Variants in CFAP210 observed in about 807,000 individuals in gnomAD.
CFAP210 encodes cilia- and flagella- associated protein 210.
chr2:169,650,718 C>T, the CFAP210 span, among the ~76,000 whole-genome samples: 11 of 140,188 alleles, frequency 7.8e-5, no homozygotes, highest in African/African-American at 2.7e-4. Flanking sequence ...AATCCAAAGA[C>T]AGTAATATGT....
At chr2:169,670,150 G>C in the CFAP210 span, among the ~76,000 whole-genome samples, 3 of 152,154 alleles carry the variant, frequency 2.0e-5, no homozygotes, top group Non-Finnish European at 2.9e-5. Flanking sequence ...TCTGTTCCTA[G>C]AGGAAGCCTT....
the CFAP210 span, among the ~76,000 whole-genome samples, chr2:169,692,444 GCACACA>G: frequency 0.1 from 14,437 of 143,738 alleles, 784 homozygotes; most frequent in African/African-American, 0.14. Flanking sequence ...ACAGGCGCAC[GCACACA>G]CACACACACA....
the CFAP210 span, chr2:169,660,973 G>T: frequency 2.1e-6 from 1 of 484,952 alleles, no homozygotes; most frequent in South Asian, 1.6e-5. Flanking sequence ...CTGTATAGCA[G>T]GATTTGTCAT....
the CFAP210 span, among the ~76,000 whole-genome samples, chr2:169,647,192 C>CA: frequency 0.42 from 63,678 of 151,176 alleles, 14,158 homozygotes; most frequent in African/African-American, 0.54. Flanking sequence ...GAGAAAAAGT[C>CA]AAAAAAAAGC....
At chr2:169,676,281 C>A in the CFAP210 span, among the ~76,000 whole-genome samples, 1 of 151,150 alleles carries the variant, frequency 6.6e-6, no homozygotes, top group African/African-American at 2.4e-5. Flanking sequence ...TATAGACAGT[C>A]TTGCTGGTAA....
chr2:169,650,257 TG>T, the CFAP210 span: 1 of 1,356,888 alleles, frequency 7.4e-7, no homozygotes, highest in African/African-American at 1.5e-5. Context: ...GAGAGGCAGA[TG>T]AGATGGAAAA....
At chr2:169,666,286 T>C in the CFAP210 span, among the ~76,000 whole-genome samples, 6,955 of 151,672 alleles carry the variant, frequency 0.046, 534 homozygotes, top group African/African-American at 0.16. Flanking sequence ...GAATTTCTAC[T>C]ACAATGATAA....
At chr2:169,694,147 TG>T in the CFAP210 span, 11 of 985,164 alleles carry the variant, frequency 1.1e-5, no homozygotes, top group Admixed American at 2.0e-5. Context: ...GCTTTCGACC[TG>T]GTGGAGTCCA....
At chr2:169,648,868 G>A in the CFAP210 span, among the ~76,000 whole-genome samples, 1 of 152,254 alleles carries the variant, frequency 6.6e-6, no homozygotes, top group East Asian at 1.9e-4. Context: ...AATCAACATA[G>A]TCTCTGAGAT....
At chr2:169,684,574 C>G in the CFAP210 span, among the ~76,000 whole-genome samples, 1 of 152,222 alleles carries the variant, frequency 6.6e-6, no homozygotes, top group African/African-American at 2.4e-5. Context: ...CATTTTATAT[C>G]TGGCTTCTTT....
the CFAP210 span, among the ~76,000 whole-genome samples, chr2:169,652,191 C>T: frequency 6.6e-6 from 1 of 151,866 alleles, no homozygotes; most frequent in African/African-American, 2.4e-5. Flanking sequence ...GTGCATACTC[C>T]AAGGAAATTA....
chr2:169,646,014 C>T, the CFAP210 span: 1 of 1,613,932 alleles, frequency 6.2e-7, no homozygotes, highest in Non-Finnish European at 8.5e-7. Flanking sequence ...TCCTGTACAG[C>T]TTTTACAAGA....
chr2:169,673,737 ATAGAACT>A, the CFAP210 span, among the ~76,000 whole-genome samples: 5 of 152,278 alleles, frequency 3.3e-5, no homozygotes, highest in South Asian at 1.0e-3. Flanking sequence ...GGAACAGGAG[ATAGAACT>A]TAGAGCAAAG....
chr2:169,651,084 G>A, the CFAP210 span, among the ~76,000 whole-genome samples: 26 of 151,770 alleles, frequency 1.7e-4, no homozygotes, highest in African/African-American at 5.8e-4. Flanking sequence ...AAAATTAGCC[G>A]GGCGTGGTGG....
At chr2:169,681,371 C>A in the CFAP210 span, 2 of 736,616 alleles carry the variant, frequency 2.7e-6, no homozygotes, top group Non-Finnish European at 4.6e-6. Flanking sequence ...CTAAGAACAG[C>A]TATGATTAAG....
At chr2:169,651,456 A>C in the CFAP210 span, among the ~76,000 whole-genome samples, 1 of 151,772 alleles carries the variant, frequency 6.6e-6, no homozygotes, top group African/African-American at 2.4e-5. Flanking sequence ...GTGCAGTGGC[A>C]CAATCTTGGC....
the CFAP210 span, among the ~76,000 whole-genome samples, chr2:169,692,082 G>C: frequency 6.6e-6 from 1 of 152,118 alleles, no homozygotes; most frequent in African/African-American, 2.4e-5. Context: ...GCATTTGCAG[G>C]TCTTTCCTGG....
At chr2:169,682,593 T>G in the CFAP210 span, among the ~76,000 whole-genome samples, 1 of 152,194 alleles carries the variant, frequency 6.6e-6, no homozygotes, top group Non-Finnish European at 1.5e-5. Context: ...TGAGTCTTTG[T>G]CCCATGCTTG....
chr2:169,654,218 G>A, the CFAP210 span: 1 of 1,561,692 alleles, frequency 6.4e-7, no homozygotes, highest in Non-Finnish European at 8.7e-7. Flanking sequence ...TATGTTCCTT[G>A]GGGGAAAAAT....
Sources: allele counts gnomAD v4.1 joint callset (sites outside exome capture counted in the v4.1 genomes callset), GRCh38; gene constraint gnomAD v4.1.1; transcripts MANE v1.5; gene names NCBI Gene and HGNC (gene_info 2026-07-23, HGNC 2026-07-21).